The following OR9Q1 variants were observed in gnomAD, a reference collection of about 807,000 sequenced individuals.
OR9Q1 encodes the protein olfactory receptor 9Q1.
For missense variants in OR9Q1, 374 were observed against 378.8 expected, an observed-to-expected ratio of 0.99 and a Z score of 0.11; for synonymous variants, 153 against 148.6, an observed-to-expected ratio of 1.03 and a Z score of -0.22.
intron 1 of OR9Q1, among the ~76,000 whole-genome samples, chr11:58,053,627 A>ATAATATATATATAT (rs1491279836): frequency 0.03 from 3,074 of 103,226 alleles, 58 homozygotes; most frequent in East Asian, 0.078. Flanking sequence ...ATATATATAT[A>ATAATATATATATAT]AAATATATAT....
chr11:58,122,888 T>C (rs1319931192), intron 2 of OR9Q1, among the ~76,000 whole-genome samples: 1 of 152,078 alleles, frequency 6.6e-6, no homozygotes, highest in Non-Finnish European at 1.5e-5. Context: ...GTGTACATGA[T>C]ATTGTGACAT....
rs563241088 is a variant in OR9Q1, at chr11:58,166,290, G to C, written c.-14-13141G>C. On this transcript the variant is annotated intron_variant, in intron 2 of 2. Coordinates refer to ENST00000335397, the MANE Select transcript of OR9Q1 (RefSeq NM_001005212.4). ...GGATACATGCAAAGTAAAAAAGGGAGAGTGGCTCCTTTCTTTTACCTCTGT... is the reference window on the plus strand; with the variant it reads ...GGATACATGCAAAGTAAAAAAGGGACAGTGGCTCCTTTCTTTTACCTCTGT... Among the ~76,000 whole-genome samples, 3 of 152,306 alleles carry C rather than the reference G, an allele frequency of 2.0e-5. No homozygotes were observed. In the East Asian group the frequency reaches 5.8e-4, roughly 29 times the overall value.
At chr11:58,174,457 C>T (rs902054035) in intron 2 of OR9Q1, among the ~76,000 whole-genome samples, 4 of 151,902 alleles carry the variant, frequency 2.6e-5, no homozygotes, top group African/African-American at 9.7e-5. Flanking sequence ...GTGCTTATTA[C>T]AACACAAGAG....
chr11:58,094,069 C>G (rs1412170145), intron 2 of OR9Q1, among the ~76,000 whole-genome samples: 1 of 151,944 alleles, frequency 6.6e-6, no homozygotes, highest in Non-Finnish European at 1.5e-5. Context: ...TATGACTGAA[C>G]TAAAAATGTG....
intron 2 of OR9Q1, among the ~76,000 whole-genome samples, chr11:58,150,464 A>G (rs939442582): frequency 6.6e-6 from 1 of 152,198 alleles, no homozygotes; most frequent in Admixed American, 6.5e-5. Context: ...TTGTTTGTTT[A>G]TTGTTGAGTT....
chr11:58,031,725 C>G, intron 1 of OR9Q1: 1 of 1,614,114 alleles, frequency 6.2e-7, no homozygotes, highest in Non-Finnish European at 8.5e-7. Flanking sequence ...TTCTATGGCA[C>G]TCTTTTCTTT....
chr11:58,068,484 G>A (rs556259744), intron 2 of OR9Q1, among the ~76,000 whole-genome samples: 1 of 152,256 alleles, frequency 6.6e-6, no homozygotes, highest in Admixed American at 6.5e-5. Context: ...CCCATGCCAT[G>A]TAGGAAGATC....
At chr11:58,078,741 C>T (rs1853562645) in intron 2 of OR9Q1, 1 of 152,134 alleles carries the variant, frequency 6.6e-6, no homozygotes, top group Non-Finnish European at 1.5e-5. Flanking sequence ...AAATGGTTGC[C>T]CTCTAGAAGA....
At position 58,167,072 on chromosome 11, in the gene OR9Q1, C is replaced by G. The variant is rs150333701; in HGVS notation, c.-14-12359C>G. Among the ~76,000 whole-genome samples, 35 of 152,166 alleles carry G rather than the reference C, an allele frequency of 2.3e-4. No homozygotes were observed. In the East Asian group the frequency reaches 3.9e-3, roughly 17 times the overall value. Reference sequence around the variant, plus strand: ...ATTCTACATTCTATGTCCATGTGTACACATTGGCTTCCTTATTACCTTCCA... The same window carrying G: ...ATTCTACATTCTATGTCCATGTGTAGACATTGGCTTCCTTATTACCTTCCA... On this transcript the variant is annotated intron_variant, in intron 2 of 2. Transcript: ENST00000335397.
At chr11:58,119,485 T>C (rs1432834027) in intron 2 of OR9Q1, 4 of 1,275,772 alleles carry the variant, frequency 3.1e-6, no homozygotes, top group South Asian at 1.5e-5. Context: ...GATAATGAAA[T>C]AAAAAGAATC....
chr11:58,144,270 A>C (rs984195336), intron 2 of OR9Q1, among the ~76,000 whole-genome samples: 7 of 148,086 alleles, frequency 4.7e-5, no homozygotes, highest in Middle Eastern at 3.4e-3. Flanking sequence ...TGAGTGAGAA[A>C]ATGCAGTGTT....
At chr11:58,077,700 C>G (rs1853550609) in intron 2 of OR9Q1, 1 of 152,220 alleles carries the variant, frequency 6.6e-6, no homozygotes, top group African/African-American at 2.4e-5. Context: ...CAATAATTAT[C>G]TTGCTGTTTC....
At chr11:58,031,052 C>G in intron 1 of OR9Q1, 1 of 1,614,116 alleles carries the variant, frequency 6.2e-7, no homozygotes. Flanking sequence ...CATACTCTTC[C>G]TCACCATGTA....
At chr11:58,148,551 C>A (rs1304392714) in intron 2 of OR9Q1, among the ~76,000 whole-genome samples, 3 of 152,162 alleles carry the variant, frequency 2.0e-5, no homozygotes, top group African/African-American at 7.2e-5. Context: ...AAGAACAGAG[C>A]TGCCCAAGCC....
chr11:58,147,649 C>T (rs927828359), intron 2 of OR9Q1, among the ~76,000 whole-genome samples: 2 of 152,166 alleles, frequency 1.3e-5, no homozygotes, highest in Admixed American at 6.5e-5. Flanking sequence ...CTTATGTATG[C>T]ACCAAGTGGA....
intron 2 of OR9Q1, among the ~76,000 whole-genome samples, chr11:58,167,286 T>G (rs1243369701): frequency 6.6e-6 from 1 of 152,196 alleles, no homozygotes; most frequent in Non-Finnish European, 1.5e-5. Flanking sequence ...TTTACTCGAG[T>G]TTGTTTTTAG....
chr11:58,145,374 G>A (rs1854290998), intron 2 of OR9Q1: 1 of 152,472 alleles, frequency 6.6e-6, no homozygotes, highest in Admixed American at 6.5e-5. Flanking sequence ...AGACATGAAA[G>A]AGGCTCTGAA....
chr11:58,166,124 G>C (rs1482553269), intron 2 of OR9Q1, among the ~76,000 whole-genome samples: 1 of 152,172 alleles, frequency 6.6e-6, no homozygotes, highest in East Asian at 1.9e-4. Flanking sequence ...AATACATTGA[G>C]TGCACAGCCT....
At chr11:58,034,412 G>C (rs915660899) in intron 1 of OR9Q1, among the ~76,000 whole-genome samples, 3 of 152,018 alleles carry the variant, frequency 2.0e-5, no homozygotes, top group African/African-American at 7.2e-5. Flanking sequence ...AATTGCCTGT[G>C]AACTAATAAT....
Sources: gnomAD v4.1 joint callset for allele counts (sites outside exome capture counted in the v4.1 genomes callset) on GRCh38, gnomAD v4.1.1 for gene constraint, MANE v1.5 for transcripts, NCBI Gene and HGNC (gene_info 2026-07-23, HGNC 2026-07-21) for gene names.